The following FANCL variants were observed in gnomAD, a reference collection of about 807,000 sequenced individuals.
The protein encoded by FANCL is E3 ubiquitin-protein ligase FANCL.
In FANCL, 69 loss-of-function variants were observed where a neutral mutation model predicts 59.4. The ratio of observed to expected loss-of-function variants is 1.16; its 90% CI spans 0.96 to 1.42. FANCL has a LOEUF of 1.42. FANCL is among the 40% of genes most tolerant of loss of function. The pLI is 0.00. For missense variants in FANCL, 519 were observed against 447.2 expected, an observed-to-expected ratio of 1.16 and a Z score of -1.45; for synonymous variants, 180 against 147.1, an observed-to-expected ratio of 1.22 and a Z score of -1.62.
chr2:58,170,730 T>G (rs865856329), intron 7 of FANCL, among the ~76,000 whole-genome samples: 5 of 148,162 alleles, frequency 3.4e-5, no homozygotes, highest in Non-Finnish European at 7.4e-5. Context: ...AATACCAGTA[T>G]CTGATAAAAC....
At chr2:58,177,159 AG>A (rs1320479777) in intron 7 of FANCL, among the ~76,000 whole-genome samples, 23 of 152,332 alleles carry the variant, frequency 1.5e-4, no homozygotes, top group Admixed American at 1.4e-3. Flanking sequence ...GTGGAGAAAT[AG>A]GAACACTTTT....
intron 6 of FANCL, 49 bp from the exon 7 acceptor site, chr2:58,198,711 A>C (rs1203504857): frequency 7.0e-7 from 1 of 1,426,314 alleles, no homozygotes; most frequent in Non-Finnish European, 9.9e-7. Flanking sequence ...GTGTGTTAAT[A>C]TCACTGAGGT....
At chr2:58,184,771 T>G (rs1688244627) in intron 7 of FANCL, among the ~76,000 whole-genome samples, 1 of 152,038 alleles carries the variant, frequency 6.6e-6, no homozygotes, top group Non-Finnish European at 1.5e-5. Context: ...TAGCATGGTA[T>G]GAGAAGGAAA....
chr2:58,226,760 T>A lies in FANCL; in HGVS notation c.241A>T (p.Met81Leu). 6.2e-7 allele frequency: 1 copy of A among 1,613,460 alleles called. No homozygotes were observed. The highest frequency in any genetic ancestry group is 8.5e-7 in the Non-Finnish European group (1 of 1,179,670). The change falls in exon 4 of 14, where the codon ATG becomes TTG. Residue 81 changes from methionine to leucine, a missense_variant. Transcript: ENST00000233741. ...ATCTTCAACTCCATCATAAAGCTCA[T>A]TAGATCAGGAGAGTGCTGCATTCTC... ...QQRMQHSPDL[M>L]SFMMELKMLL...
chr2:58,174,790 G>A (rs566663530), intron 7 of FANCL, among the ~76,000 whole-genome samples: 1 of 152,132 alleles, frequency 6.6e-6, no homozygotes, highest in Non-Finnish European at 1.5e-5. Flanking sequence ...ACTAAAACCA[G>A]AGCAGAACTG....
At chr2:58,189,983 TAAGA>T (rs1688769313) in intron 7 of FANCL, among the ~76,000 whole-genome samples, 1 of 152,170 alleles carries the variant, frequency 6.6e-6, no homozygotes, top group Admixed American at 6.6e-5. Context: ...AAGAGAATAT[TAAGA>T]AATAAAGCTT....
chr2:58,210,735 G>T (rs550544168), intron 5 of FANCL, among the ~76,000 whole-genome samples: 3 of 152,250 alleles, frequency 2.0e-5, no homozygotes, highest in African/African-American at 7.2e-5. Context: ...ATTCCAAATG[G>T]GAGGAATTGG....
At chr2:58,179,222 GA>G (rs1368335285) in intron 7 of FANCL, among the ~76,000 whole-genome samples, 3 of 151,900 alleles carry the variant, frequency 2.0e-5, no homozygotes, top group Non-Finnish European at 4.4e-5. Flanking sequence ...AACAGAATTA[GA>G]AAAAAACTAC....
At chr2:58,182,590 A>G (rs1476276091) in intron 7 of FANCL, among the ~76,000 whole-genome samples, 1 of 151,878 alleles carries the variant, frequency 6.6e-6, no homozygotes, top group Non-Finnish European at 1.5e-5. Context: ...CAACTAACCC[A>G]CGGAAGAAAC....
intron 5 of FANCL, among the ~76,000 whole-genome samples, chr2:58,216,955 C>T (rs1298183008): frequency 6.6e-6 from 1 of 150,728 alleles, no homozygotes; most frequent in Non-Finnish European, 1.5e-5. Context: ...TTTATTACAG[C>T]TTTTTAAATA....
In FANCL at chr2:58,241,305, C is replaced by T; in HGVS notation, c.9G>A (p.Val3=). 6.2e-7 allele frequency: 1 copy of T among 1,614,190 alleles called. No homozygotes were observed. The highest frequency in any genetic ancestry group is 8.5e-7 in the Non-Finnish European group (1 of 1,180,032). The change falls in exon 1 of 14, where the codon GTG becomes GTA. Residue 3 remains valine (V), a synonymous_variant. Transcript: ENST00000233741. ...ACTGGCGCAACAGGCTCGCTTCCGT[C>T]ACCGCCATGGCTCGAAGTCCGGAGA... is the stretch of plus-strand genomic sequence containing the variant. The part of the protein sequence containing the change: MA[V]TEASLLRQCP...
At chr2:58,177,372 G>C (rs1045743839) in intron 7 of FANCL, among the ~76,000 whole-genome samples, 2 of 151,996 alleles carry the variant, frequency 1.3e-5, no homozygotes, top group Non-Finnish European at 2.9e-5. Flanking sequence ...CAAAGACTTG[G>C]AACCAACCCA....
At chr2:58,202,324 T>G (rs1343917659) in intron 6 of FANCL, among the ~76,000 whole-genome samples, 5 of 150,456 alleles carry the variant, frequency 3.3e-5, no homozygotes, top group Non-Finnish European at 7.4e-5. Flanking sequence ...ATGATTAATA[T>G]GCTGAACTTG....
Position 58,161,591 on chromosome 2 carries a change from A to G in FANCL, c.951T>C (p.Gly317=). The G allele has an allele frequency of 6.2e-7, 1 of 1,611,702 alleles. No homozygotes were observed. The highest frequency in any genetic ancestry group is 8.5e-7 in the Non-Finnish European group (1 of 1,178,136). ...CGICYAYQLD[G]TIPDQVCDNS... ...TATCACACACTTGATCAGGAATGGT[A>G]CCGTCAAGTTGATAAGCATAACAAA... The change falls in exon 12 of 14, where the codon GGT becomes GGC. Residue 317 remains glycine, a synonymous_variant. Transcript: ENST00000233741.
chr2:58,189,124 C>A (rs1188577776), intron 7 of FANCL, among the ~76,000 whole-genome samples: 1 of 152,046 alleles, frequency 6.6e-6, no homozygotes, highest in East Asian at 1.9e-4. Flanking sequence ...AAGGGAGGGA[C>A]AATAATGAGG....
chr2:58,189,898 A>G (rs1427039416), intron 7 of FANCL, among the ~76,000 whole-genome samples: 2 of 151,980 alleles, frequency 1.3e-5, no homozygotes, highest in Non-Finnish European at 2.9e-5. Flanking sequence ...CTTCCCTATA[A>G]TACTTGCAGA....
chr2:58,187,864 C>G (rs953303905), intron 7 of FANCL, among the ~76,000 whole-genome samples: 2 of 152,060 alleles, frequency 1.3e-5, no homozygotes, highest in African/African-American at 2.4e-5. Flanking sequence ...GATTTGCAAA[C>G]ATTTTCCAGT....
intron 5 of FANCL, among the ~76,000 whole-genome samples, chr2:58,206,346 T>G (rs183479202): frequency 6.6e-6 from 1 of 152,152 alleles, no homozygotes; most frequent in East Asian, 1.9e-4. Flanking sequence ...ACATGGAAGT[T>G]GTAAACATGA....
intron 1 of FANCL, among the ~76,000 whole-genome samples, chr2:58,234,793 T>A (rs1486571217): frequency 6.6e-6 from 1 of 151,814 alleles, no homozygotes; most frequent in African/African-American, 2.4e-5. Context: ...TTAAAGCAAA[T>A]TAAAAAATGA....
Sources: gnomAD v4.1 joint callset for allele counts (sites outside exome capture counted in the v4.1 genomes callset) on GRCh38, gnomAD v4.1.1 for gene constraint, MANE v1.5 for transcripts, NCBI Gene and HGNC (gene_info 2026-07-23, HGNC 2026-07-21) for gene names.